Variants in FREM1 observed in about 807,000 individuals in gnomAD.
FREM1 encodes the protein FRAS1 related extracellular matrix 1.
FREM1 carries 220 observed loss-of-function variants against 210.1 expected under a neutral mutation model. That is an observed-to-expected ratio of 1.05 (90% CI 0.94 to 1.17). The LOEUF (loss-of-function observed/expected upper bound fraction) is 1.17. Among genes scored for constraint, FREM1 ranks in the 50% most tolerant of loss-of-function variants. The pLI is 0.00. For synonymous variants in FREM1, 1,189 were observed against 980.2 expected (o/e 1.21, Z -3.98); for missense variants, 3,454 against 2,675.5 (o/e 1.29, Z -6.42).
chr9:14,899,296 C>G (rs183515865), intron 1 of FREM1, among the ~76,000 whole-genome samples: 188 of 152,332 alleles, frequency 1.2e-3, no homozygotes, highest in African/African-American at 4.3e-3. Context: ...TTCTGCTGCA[C>G]ATGCTGGAGT....
intron 27 of FREM1, among the ~76,000 whole-genome samples, chr9:14,768,426 G>T (rs913186969): frequency 1.4e-5 from 2 of 146,522 alleles, no homozygotes; most frequent in Non-Finnish European, 3.0e-5. Flanking sequence ...GGAATTATTT[G>T]TCTTAGGCAA....
chr9:14,746,439 C>T lies in FREM1; in HGVS notation c.6168G>A (p.Gly2056=). ...GACAGTAGCCTGAGTGCTGGTGCCACCCGGCTGGACAGGATTTGTCTTCCA... is the reference window on the plus strand; with the variant it reads ...GACAGTAGCCTGAGTGCTGGTGCCATCCGGCTGGACAGGATTTGTCTTCCA... The part of the protein sequence containing the change: ...KDVEDKSCPA[G]WHQHSGYCHI... Residue 2056 remains glycine, a synonymous_variant, in exon 35 of 37, where the codon GGG becomes GGA. Transcript: ENST00000380880. 6.2e-7 allele frequency: 1 copy of T among 1,613,680 alleles called. No individual in the cohort carries two copies. The highest frequency in any genetic ancestry group is 2.2e-5 in the East Asian group (1 of 44,880).
intron 1 of FREM1, among the ~76,000 whole-genome samples, chr9:14,875,460 A>G (rs879590001): frequency 1.3e-5 from 2 of 152,134 alleles, no homozygotes; most frequent in African/African-American, 2.4e-5. Context: ...CTTCCAGTTG[A>G]TCGCATCGGC....
intron 34 of FREM1, 34 bp from the exon 35 acceptor site, chr9:14,746,502 G>A: frequency 2.0e-6 from 3 of 1,532,186 alleles, no homozygotes; most frequent in Non-Finnish European, 1.8e-6. Flanking sequence ...ATATCATAAT[G>A]GTCTTTACAA....
intron 23 of FREM1, among the ~76,000 whole-genome samples, chr9:14,787,339 A>G (rs753109455): frequency 1.3e-5 from 2 of 152,220 alleles, no homozygotes; most frequent in Non-Finnish European, 2.9e-5. Context: ...CAAAGAAGAA[A>G]AAATTTGAAC....
rs573424171 is a variant in FREM1, at chr9:14,823,153, T to C, written c.2337+7A>G. On this transcript the variant is annotated splice_region_variant and intron_variant, in intron 13 of 36. Transcript: ENST00000380880. ...TTTTCATCCTCTATATAGAACATTG[T>C]ACATACCTCAGGAACTTGATTGTCC... 3.1e-6 allele frequency: 5 copies of C among 1,610,802 alleles called. No individual in the cohort carries two copies. The highest frequency in any genetic ancestry group is 2.2e-5 in the South Asian group (2 of 91,000).
chr9:14,773,877 G>T (rs995613374), intron 25 of FREM1, among the ~76,000 whole-genome samples: 1 of 152,050 alleles, frequency 6.6e-6, no homozygotes, highest in Non-Finnish European at 1.5e-5. Flanking sequence ...GAATTCGTAT[G>T]AATTTGCAGC....
intron 10 of FREM1, among the ~76,000 whole-genome samples, chr9:14,840,694 A>G (rs982489596): frequency 6.6e-6 from 1 of 152,202 alleles, no homozygotes; most frequent in South Asian, 2.1e-4. Context: ...CAGCCAAACC[A>G]TATCAGTAGG....
chr9:14,738,913 G>C (rs990055477), intron 36 of FREM1, among the ~76,000 whole-genome samples: 2 of 150,854 alleles, frequency 1.3e-5, no homozygotes, highest in Non-Finnish European at 2.9e-5. Context: ...AGGTGGCTGA[G>C]GGAGGAGAAT....
At chr9:14,831,210 CT>C (rs1273687668) in intron 10 of FREM1, among the ~76,000 whole-genome samples, 2 of 152,196 alleles carry the variant, frequency 1.3e-5, no homozygotes, top group Admixed American at 6.5e-5. Context: ...ACAGCCCATT[CT>C]GGGTGTTGGC....
chr9:14,872,533 T>C (rs1204320974), intron 1 of FREM1, among the ~76,000 whole-genome samples: 2 of 152,250 alleles, frequency 1.3e-5, no homozygotes, highest in Non-Finnish European at 2.9e-5. Context: ...CCTGAGACTT[T>C]GCTGAAGTTG....
At chr9:14,788,494 A>G (rs1259668867) in intron 23 of FREM1, among the ~76,000 whole-genome samples, 1 of 152,182 alleles carries the variant, frequency 6.6e-6, no homozygotes, top group Non-Finnish European at 1.5e-5. Context: ...TAAATTTTAA[A>G]ATGTATTTTT....
At chr9:14,812,165 C>A (rs548392270) in intron 16 of FREM1, among the ~76,000 whole-genome samples, 5 of 152,260 alleles carry the variant, frequency 3.3e-5, no homozygotes, top group African/African-American at 1.2e-4. Flanking sequence ...GTGTACCCCA[C>A]AGTGCTTAGT....
chr9:14,805,032 G>T lies in FREM1; in HGVS notation c.3395C>A (p.Ser1132Tyr), dbSNP rs1818099210. Residue 1132 changes from serine (S) to tyrosine (Y), a missense_variant, in exon 19 of 37, where the codon TCC becomes TAC. Ser to Tyr is a moderately radical substitution (Grantham distance 144). Coordinates refer to ENST00000380880, the MANE Select transcript of FREM1 (RefSeq NM_001379081.2). Reference protein sequence around the residue: ...TVYVTDGKHHSLEIPFSIIIN... With the variant: ...TVYVTDGKHHYLEIPFSIIIN... ...TATAATAGAAAATGGTATCTCCAAG[G>T]AGTGATGCTTCCCATCTGTGACGTA... The T allele has an allele frequency of 6.8e-6, 11 of 1,613,584 alleles. No individual in the cohort carries two copies. Among genetic ancestry groups the T allele is most frequent in the Non-Finnish European group, 9.3e-6 (11 of 1,179,632 alleles).
At chr9:14,808,156 G>A in intron 16 of FREM1, 22 bp from the exon 17 acceptor site, 1 of 1,496,938 alleles carries the variant, frequency 6.7e-7, no homozygotes, top group Non-Finnish European at 9.0e-7. Flanking sequence ...AACTATAGCT[G>A]AAACCTGCCT....
Position 14,748,580 on chromosome 9 carries a change from T to C in FREM1, c.5617A>G (p.Ile1873Val). ...GACCCTGGGGGCAGCAGATGCCAAA[T>C]GCCCTTCTCCCATGTGCTGTGCTTG... ...QSKHSTWEKG[I>V]WHLLPPGSSS... Residue 1873 changes from isoleucine to valine, a missense_variant, in exon 31 of 37, where the codon ATT (isoleucine) becomes GTT (valine). Ile to Val is a conservative substitution (Grantham distance 29, BLOSUM62 3). Coordinates refer to ENST00000380880, the MANE Select transcript of FREM1 (RefSeq NM_001379081.2). 1 of 1,613,880 alleles carries C rather than the reference T, an allele frequency of 6.2e-7. No homozygotes were observed. Among genetic ancestry groups the C allele is most frequent in the Non-Finnish European group, 8.5e-7 (1 of 1,179,818 alleles).
chr9:14,891,673 G>A (rs1050782811), intron 1 of FREM1, among the ~76,000 whole-genome samples: 3 of 152,342 alleles, frequency 2.0e-5, no homozygotes, highest in Admixed American at 6.5e-5. Flanking sequence ...CCTAGGGTAC[G>A]CTTCCCAGAA....
chr9:14,905,567 G>A (rs936049323), intron 1 of FREM1, among the ~76,000 whole-genome samples: 5 of 152,104 alleles, frequency 3.3e-5, no homozygotes, highest in African/African-American at 9.7e-5. Flanking sequence ...TTGAGCTCAC[G>A]GATCTGTGTC....
At chr9:14,906,909 A>G (rs889331043) in intron 1 of FREM1, among the ~76,000 whole-genome samples, 1 of 152,204 alleles carries the variant, frequency 6.6e-6, no homozygotes, top group African/African-American at 2.4e-5. Flanking sequence ...GCCAGATAAG[A>G]AAGTTTCAAG....
Sources: gnomAD v4.1 joint callset for allele counts (sites outside exome capture counted in the v4.1 genomes callset) on GRCh38, gnomAD v4.1.1 for gene constraint, MANE v1.5 for transcripts, NCBI Gene and HGNC (gene_info 2026-07-23, HGNC 2026-07-21) for gene names.